The following DDX46 variants were observed in gnomAD, a reference collection of about 807,000 sequenced individuals.
DDX46 encodes DEAD-box helicase 46, also known as probable ATP-dependent RNA helicase DDX46.
DDX46 carries 30 observed loss-of-function variants against 134.9 expected under a neutral mutation model. The observed-to-expected ratio is 0.22, with a 90% CI of 0.17 to 0.30. DDX46 has a LOEUF of 0.30. DDX46 is among the 10% of genes least tolerant of loss of function. The pLI is 1.00. For synonymous variants in DDX46, 415 were observed against 404.1 expected (o/e 1.03, Z -0.32); for missense variants, 622 against 1,248.7 (o/e 0.50, Z 7.56).
intron 17 of DDX46, 39 bp downstream of exon 17, chr5:134,811,397 A>C: frequency 6.3e-7 from 1 of 1,598,270 alleles, no homozygotes; most frequent in Non-Finnish European, 8.5e-7. Context: ...AGAAATCATT[A>C]ATGTGACTAA....
intron 3 of DDX46, among the ~76,000 whole-genome samples, chr5:134,769,214 A>G (rs2150131881): frequency 6.6e-6 from 1 of 152,178 alleles, no homozygotes; most frequent in East Asian, 1.9e-4. Flanking sequence ...CCTATAAACA[A>G]ACTATATTGT....
chr5:134,825,071 A>G (rs1384483295), intron 21 of DDX46, among the ~76,000 whole-genome samples: 3 of 152,248 alleles, frequency 2.0e-5, no homozygotes, highest in Non-Finnish European at 4.4e-5. Context: ...AAGAAGTTAC[A>G]TAAGTCAGAA....
Position 134,794,988 on chromosome 5 carries a change from G to A in DDX46, c.1765G>A (p.Val589Ile). 1 of 1,614,102 alleles carries A rather than the reference G, an allele frequency of 6.2e-7. No homozygotes were observed. Residue 589 changes from valine to isoleucine, a missense_variant, in exon 14 of 23, where the codon GTT becomes ATT. Around this residue, in one of 8 missense-constraint regions of DDX46, gnomAD observed 209 missense variants for 508.4 expected, o/e 0.41. Transcript: ENST00000452510. ...AGTACAAGTTGGAGGCAGGAGTGTG[G>A]TTTGCTCAGATGTGGAGCAACAAGT... is the stretch of plus-strand genomic sequence containing the variant. The part of the protein sequence containing the change: ...IEVQVGGRSV[V>I]CSDVEQQVIV...
At chr5:134,793,280 C>G (rs1754560119) in intron 13 of DDX46, among the ~76,000 whole-genome samples, 1 of 152,182 alleles carries the variant, frequency 6.6e-6, no homozygotes, top group Non-Finnish European at 1.5e-5. Context: ...ACAAAAGACA[C>G]TGTCATGTAA....
At chr5:134,804,379 A>G (rs532326803) in intron 15 of DDX46, among the ~76,000 whole-genome samples, 14 of 152,320 alleles carry the variant, frequency 9.2e-5, no homozygotes, top group South Asian at 8.3e-4. Flanking sequence ...TGACACTCCA[A>G]TTATCTTCCA....
intron 15 of DDX46, among the ~76,000 whole-genome samples, chr5:134,800,288 G>GT (rs894154892): frequency 7.9e-5 from 12 of 151,898 alleles, no homozygotes; most frequent in East Asian, 1.9e-4. Context: ...ACATGGATTA[G>GT]TTTTTTTTAC....
chr5:134,799,685 C>T (rs1277281376), intron 15 of DDX46, among the ~76,000 whole-genome samples: 1 of 148,972 alleles, frequency 6.7e-6, no homozygotes. Flanking sequence ...TTGCCATAAG[C>T]AGAGATTGCA....
At chr5:134,791,727 A>G (rs1334961971) in intron 13 of DDX46, among the ~76,000 whole-genome samples, 2 of 152,256 alleles carry the variant, frequency 1.3e-5, no homozygotes, top group Non-Finnish European at 2.9e-5. Flanking sequence ...TTTTCAGTTT[A>G]TCCATGTACT....
intron 1 of DDX46, among the ~76,000 whole-genome samples, chr5:134,760,854 C>T (rs1022564569): frequency 1.3e-5 from 2 of 152,104 alleles, no homozygotes; most frequent in African/African-American, 2.4e-5. Flanking sequence ...CTCAGCCTCC[C>T]GAGTAGCTGG....
chr5:134,794,967 C>G lies in DDX46; in HGVS notation c.1744C>G (p.Gln582Glu), dbSNP rs756094031. 11 of 1,614,132 alleles carry G rather than the reference C, an allele frequency of 6.8e-6. No homozygotes were observed. In the Admixed American group the frequency reaches 1.8e-4, roughly 27 times the overall value. The stretch of plus-strand genomic sequence containing the variant: ...GATCCTCAGTAAACCTATTGAAGTA[C>G]AAGTTGGAGGCAGGAGTGTGGTTTG... Reference protein sequence around the residue: ...RRILSKPIEVQVGGRSVVCSD... With the variant: ...RRILSKPIEVEVGGRSVVCSD... Residue 582 changes from glutamine (Q) to glutamate (E), a missense_variant, in exon 14 of 23, where the codon CAA becomes GAA. Gln to Glu is a conservative substitution (Grantham distance 29). Coordinates refer to ENST00000452510, the MANE Select transcript of DDX46 (RefSeq NM_001300860.2).
In DDX46 at chr5:134,782,007, T is replaced by C. The variant is rs769178604; in HGVS notation, c.966T>C (p.Asp322=). The part of the protein sequence containing the change: ...TKQRKLLEPV[D]HGKIEYEPFR... Reference sequence around the variant, plus strand: ...AGCGAAAGCTTCTAGAACCAGTTGATCATGGAAAAATTGAGTATGAGCCAT... The same window carrying C: ...AGCGAAAGCTTCTAGAACCAGTTGACCATGGAAAAATTGAGTATGAGCCAT... Residue 322 remains aspartate, a synonymous_variant, in exon 8 of 23, where the codon GAT becomes GAC. Transcript: ENST00000452510. 2 of 1,609,456 alleles carry C rather than the reference T, an allele frequency of 1.2e-6. No homozygotes were observed. The highest frequency in any genetic ancestry group is 2.2e-5 in the South Asian group (2 of 90,348).
At chr5:134,776,538 TG>T (rs999333492) in intron 5 of DDX46, among the ~76,000 whole-genome samples, 7 of 152,192 alleles carry the variant, frequency 4.6e-5, no homozygotes, top group Non-Finnish European at 7.3e-5. Context: ...GTCTTGTCTC[TG>T]GGGTGGCAAA....
chr5:134,788,025 C>T (rs951732593), intron 11 of DDX46, among the ~76,000 whole-genome samples: 1 of 53,332 alleles, frequency 1.9e-5, no homozygotes. Flanking sequence ...GACCCTGTCT[C>T]AAAAAAAAAA....
chr5:134,793,613 TG>T (rs1459716700), intron 13 of DDX46, among the ~76,000 whole-genome samples: 1 of 151,988 alleles, frequency 6.6e-6, no homozygotes, highest in Non-Finnish European at 1.5e-5. Flanking sequence ...CCATGTTGGC[TG>T]GACTGGTCTC....
chr5:134,769,474 G>A (rs1478190595), intron 3 of DDX46, among the ~76,000 whole-genome samples: 2 of 150,778 alleles, frequency 1.3e-5, no homozygotes, highest in Non-Finnish European at 1.5e-5. Flanking sequence ...GAGATTACAG[G>A]CACGTGCCAC....
At chr5:134,768,230 C>T (rs1561851250) in intron 3 of DDX46, among the ~76,000 whole-genome samples, 1 of 151,646 alleles carries the variant, frequency 6.6e-6, no homozygotes, top group Non-Finnish European at 1.5e-5. Context: ...TTGCCTCAGC[C>T]TCCCGAGTAG....
In DDX46 at chr5:134,777,566, T is replaced by C; in HGVS notation, c.614-8T>C. The C allele has an allele frequency of 6.2e-7, 1 of 1,612,500 alleles. No individual in the cohort carries two copies. Among genetic ancestry groups the C allele is most frequent in the Non-Finnish European group, 8.5e-7 (1 of 1,179,760 alleles). On this transcript the variant is annotated splice_region_variant and splice_polypyrimidine_tract_variant and intron_variant, in intron 5 of 22. Transcript: ENST00000452510. ...GATGTTTAAAGAATGTGTATTCTGGTATTTTAGATGACGAAGATGATCCTG... is the reference window on the plus strand; with the variant it reads ...GATGTTTAAAGAATGTGTATTCTGGCATTTTAGATGACGAAGATGATCCTG...
chr5:134,770,138 C>T (rs1753715048), intron 3 of DDX46, among the ~76,000 whole-genome samples: 1 of 151,510 alleles, frequency 6.6e-6, no homozygotes, highest in South Asian at 2.1e-4. Flanking sequence ...CTCAAGTGAT[C>T]TTCCTGCCTT....
intron 2 of DDX46, 124 bp from the exon 3 acceptor site, chr5:134,766,793 C>G: frequency 1.7e-6 from 2 of 1,170,312 alleles, no homozygotes; most frequent in Non-Finnish European, 2.3e-6. Flanking sequence ...GGCTTTACTT[C>G]ATTGAGACCT....
Sources: gnomAD v4.1 joint callset for allele counts (sites outside exome capture counted in the v4.1 genomes callset) on GRCh38, gnomAD v4.1.1 for gene constraint, gnomAD v4.1.1 regional missense constraint, MANE v1.5 for transcripts, NCBI Gene and HGNC (gene_info 2026-07-23, HGNC 2026-07-21) for gene names.